RASGEF1A: variants seen among roughly 807,000 people sequenced by gnomAD.
The protein encoded by RASGEF1A is RasGEF domain family member 1A, also known as ras-GEF domain-containing family member 1A.
RASGEF1A carries 18 observed loss-of-function variants against 56.4 expected under a neutral mutation model. That is an observed-to-expected ratio of 0.32 (90% CI 0.22 to 0.47). The LOEUF (loss-of-function observed/expected upper bound fraction) is 0.47, where lower values mean the gene tolerates loss of function less well. Ranked by LOEUF, RASGEF1A falls within the 20% of genes least tolerant of loss-of-function variation. RASGEF1A has a pLI of 1.00. For missense variants in RASGEF1A, 422 were observed against 627.1 expected (o/e 0.67, Z 3.49); for synonymous variants, 245 against 242.6 (o/e 1.01, Z -0.09).
chr10:43,211,162 C>T (rs1251449363), intron 1 of RASGEF1A, among the ~76,000 whole-genome samples: 1 of 152,218 alleles, frequency 6.6e-6, no homozygotes, highest in Non-Finnish European at 1.5e-5. Context: ...ACGCGCCTCA[C>T]TCCCTTCTCA....
intron 1 of RASGEF1A, among the ~76,000 whole-genome samples, chr10:43,229,906 G>C (rs915182107): frequency 6.6e-6 from 1 of 152,042 alleles, no homozygotes; most frequent in Non-Finnish European, 1.5e-5. Flanking sequence ...GCATGGCGCG[G>C]AGGTGGGGCA....
At chr10:43,200,108 C>T in intron 6 of RASGEF1A, 74 bp downstream of exon 6, 2 of 1,276,878 alleles carry the variant, frequency 1.6e-6, no homozygotes, top group Non-Finnish European at 2.2e-6. Flanking sequence ...GTGAGGCCCA[C>T]ACCCACCCTG....
intron 1 of RASGEF1A, among the ~76,000 whole-genome samples, chr10:43,237,582 C>G (rs1209630635): frequency 1.3e-5 from 2 of 152,098 alleles, no homozygotes; most frequent in African/African-American, 4.8e-5. Context: ...CTAGAAAGAG[C>G]AGCTGCATCT....
chr10:43,261,097 C>G (rs1289572284), intron 1 of RASGEF1A, among the ~76,000 whole-genome samples: 1 of 151,294 alleles, frequency 6.6e-6, no homozygotes, highest in Non-Finnish European at 1.5e-5. Flanking sequence ...TGTGGGAGCG[C>G]CCTCCCCCTC....
rs184727392 is a variant in RASGEF1A at position 43,253,921 on chromosome 10, G to A, written c.-7+12924C>T. 3.3e-4 allele frequency among the ~76,000 whole-genome samples: 50 copies of A among 152,348 alleles called. 1 individual carries two copies. The highest frequency in any genetic ancestry group is 1.1e-3 in the African/African-American group (44 of 41,596). On this transcript the variant is annotated intron_variant, in intron 1 of 12. Transcript: ENST00000395810. The stretch of plus-strand genomic sequence containing the variant: ...GCCCACCCTGCTTTGAGCACCAGCC[G>A]GCTGGCCACAGGCACAGACCACAGG...
rs1330119051 is a variant in RASGEF1A, at chr10:43,208,381, CAG to C, written c.-6-2261_-6-2260del. On this transcript the variant is annotated intron_variant, in intron 1 of 12. Coordinates refer to ENST00000395810, the MANE Select transcript of RASGEF1A (RefSeq NM_145313.4). The stretch of plus-strand genomic sequence containing the variant: ...GCAAGGCCACTCCATGTCCAGCCTG[CAG>C]AGAGACCTGCCTCAGTGCTAGGAGG... The C allele has an allele frequency of 5.1e-6, 5 of 985,684 alleles. No individual in the cohort carries two copies. The African/African-American group carries it at 7.0e-5, about 14-fold the overall frequency. 61.1% of individuals were successfully genotyped at this position (985,684 alleles called of 1,614,324 possible). A position where few individuals can be genotyped will look rare whatever the true frequency, so the allele number is the denominator to read the frequency against.
intron 1 of RASGEF1A, among the ~76,000 whole-genome samples, chr10:43,238,484 G>C (rs1399158741): frequency 2.0e-5 from 3 of 152,194 alleles, no homozygotes; most frequent in Non-Finnish European, 4.4e-5. Flanking sequence ...TAAGTTTAGT[G>C]GGGGAAAGCC....
At chr10:43,242,936 C>T (rs1840519863) in intron 1 of RASGEF1A, among the ~76,000 whole-genome samples, 1 of 152,252 alleles carries the variant, frequency 6.6e-6, no homozygotes, top group African/African-American at 2.4e-5. Flanking sequence ...AGATTACAGC[C>T]TCTGCCCGCC....
chr10:43,239,031 G>T (rs1386714908), intron 1 of RASGEF1A, among the ~76,000 whole-genome samples: 1 of 152,214 alleles, frequency 6.6e-6, no homozygotes, highest in African/African-American at 2.4e-5. Flanking sequence ...TGCCTGGAAT[G>T]ATGCCCTGTA....
At chr10:43,245,770 C>T (rs1462995758) in intron 1 of RASGEF1A, among the ~76,000 whole-genome samples, 1 of 152,048 alleles carries the variant, frequency 6.6e-6, no homozygotes, top group South Asian at 2.1e-4. Flanking sequence ...TTCATCAATC[C>T]AATAAAGGAT....
intron 1 of RASGEF1A, among the ~76,000 whole-genome samples, chr10:43,235,499 C>G (rs1292213789): frequency 6.6e-6 from 1 of 152,198 alleles, no homozygotes; most frequent in Non-Finnish European, 1.5e-5. Flanking sequence ...GTGGGGAAGG[C>G]AGGAATGCCA....
intron 1 of RASGEF1A, among the ~76,000 whole-genome samples, chr10:43,255,859 G>A (rs532125822): frequency 3.8e-4 from 58 of 152,302 alleles, no homozygotes; most frequent in East Asian, 2.5e-3. Flanking sequence ...GGCTCCTGGC[G>A]CTGTCTGCCC....
intron 1 of RASGEF1A, among the ~76,000 whole-genome samples, chr10:43,247,161 A>C (rs1477579991): frequency 6.6e-6 from 1 of 152,240 alleles, no homozygotes; most frequent in Non-Finnish European, 1.5e-5. Context: ...GGCACATTAA[A>C]ATTTCTCAAA....
chr10:43,216,817 G>A (rs950576412), intron 1 of RASGEF1A, among the ~76,000 whole-genome samples: 1 of 152,106 alleles, frequency 6.6e-6, no homozygotes, highest in Non-Finnish European at 1.5e-5. Flanking sequence ...GCAGAGGAGG[G>A]GGAAGGAGGT....
chr10:43,220,562 T>C (rs1840194041), intron 1 of RASGEF1A, among the ~76,000 whole-genome samples: 1 of 152,082 alleles, frequency 6.6e-6, no homozygotes. Context: ...GGCAGGCAGA[T>C]CACTTGAGGT....
rs1836635072 is a variant in RASGEF1A, at chr10:43,266,880, C to G, written c.-42G>C. On this transcript the variant is annotated 5_prime_UTR_variant, in exon 1 of 13. Coordinates refer to ENST00000395810, the MANE Select transcript of RASGEF1A (RefSeq NM_145313.4). ...GCCAGCGTCGCTCCCGCGCCGCCCT[C>G]GCGCCGCAGTCGGGCCCCGAGCAGC... 1 of 146,094 alleles carries G rather than the reference C, an allele frequency of 6.8e-6. No individual in the cohort carries two copies. The highest frequency in any genetic ancestry group is 6.8e-5 in the Admixed American group (1 of 14,736). The allele number at this position is 146,094 out of a possible 1,614,324, so 9.0% of individuals were successfully genotyped here. A position where few individuals can be genotyped will look rare whatever the true frequency, so the allele number is the denominator to read the frequency against.
chr10:43,253,018 G>A (rs1425144246), intron 1 of RASGEF1A, among the ~76,000 whole-genome samples: 3 of 152,200 alleles, frequency 2.0e-5, no homozygotes, highest in Non-Finnish European at 2.9e-5. Flanking sequence ...GGAGCCCATC[G>A]TGGGCAAACC....
At position 43,206,035 on chromosome 10, in the gene RASGEF1A, C is replaced by A; in HGVS notation, c.82G>T (p.Gly28Ter). Reference protein sequence around the residue: ...GQVQPGMGERGGGAGGGSGDL... With the variant: ...GQVQPGMGER ...CCGGAGCCGCCACCGGCCCCGCCTCCACGCTCCCCCATGCCAGGCTGCACC... is the reference window on the plus strand; with the variant it reads ...CCGGAGCCGCCACCGGCCCCGCCTCAACGCTCCCCCATGCCAGGCTGCACC... Residue 28 changes from glycine (G) to a stop codon, truncating the protein, a stop_gained, in exon 2 of 13, where the codon GGA (glycine) becomes TGA (stop). Coordinates refer to ENST00000395810, the MANE Select transcript of RASGEF1A (RefSeq NM_145313.4). LOFTEE classifies it high-confidence loss of function. 1 of 1,610,296 alleles carries A rather than the reference C, an allele frequency of 6.2e-7. No individual in the cohort carries two copies. Among genetic ancestry groups the A allele is most frequent in the Non-Finnish European group, 8.5e-7 (1 of 1,178,870 alleles).
At chr10:43,264,613 CGGACCCAAGCAGAT>C (rs1438849356) in intron 1 of RASGEF1A, among the ~76,000 whole-genome samples, 1 of 149,044 alleles carries the variant, frequency 6.7e-6, no homozygotes, top group Non-Finnish European at 1.5e-5. Context: ...GCCAGAGTGC[CGGACCCAAGCAGAT>C]GGCCTCAGGA....
Sources: allele counts gnomAD v4.1 joint callset (sites outside exome capture counted in the v4.1 genomes callset), GRCh38; gene constraint gnomAD v4.1.1; transcripts MANE v1.5; gene names NCBI Gene and HGNC (gene_info 2026-07-23, HGNC 2026-07-21).